NXPE2: variants seen among roughly 807,000 people sequenced by gnomAD.
NXPE2 encodes the protein neurexophilin and PC-esterase domain family member 2, also known as NXPE family member 2.
NXPE2 carries 34 observed loss-of-function variants against 34.4 expected under a neutral mutation model. That is an observed-to-expected ratio of 0.99 (90% CI 0.75 to 1.31). NXPE2 has a LOEUF of 1.31. Ranked by LOEUF, NXPE2 falls within the 40% of genes most tolerant of loss-of-function variation. NXPE2 has a pLI of 0.00. For missense variants in NXPE2, 649 were observed against 672.5 expected (o/e 0.97, Z 0.39); for synonymous variants, 235 against 231.3 (o/e 1.02, Z -0.15).
chr11:114,626,936 G>T, the NXPE2 span, among the ~76,000 whole-genome samples: 1 of 151,926 alleles, frequency 6.6e-6, no homozygotes, highest in Non-Finnish European at 1.5e-5. Context: ...AAGATGAAAT[G>T]AATGAAATGA....
the NXPE2 span, among the ~76,000 whole-genome samples, chr11:114,600,539 A>C: frequency 6.6e-6 from 1 of 152,096 alleles, no homozygotes; most frequent in Non-Finnish European, 1.5e-5. Flanking sequence ...GCATAGAAAA[A>C]AATTGAGTGA....
chr11:114,774,873 G>A, the NXPE2 span, among the ~76,000 whole-genome samples: 2 of 152,210 alleles, frequency 1.3e-5, no homozygotes, highest in Non-Finnish European at 2.9e-5. Context: ...GACCTTGACT[G>A]TGTCTATGAG....
chr11:114,792,012 C>T, the NXPE2 span, among the ~76,000 whole-genome samples: 126,520 of 152,186 alleles, frequency 0.83, 53,022 homozygotes, highest in East Asian at 0.99. Flanking sequence ...GAGCCGAGAT[C>T]GCACCACTGC....
chr11:114,761,481 T>G, the NXPE2 span, among the ~76,000 whole-genome samples: 2 of 151,990 alleles, frequency 1.3e-5, no homozygotes, highest in East Asian at 3.9e-4. Context: ...CTGTGTAAGT[T>G]AGAGGCAGGC....
chr11:114,603,437 TAGGTAAATTCC>T, the NXPE2 span, among the ~76,000 whole-genome samples: 1 of 151,324 alleles, frequency 6.6e-6, no homozygotes, highest in Non-Finnish European at 1.5e-5. Flanking sequence ...CCTCGTCTCC[TAGGTAAATTCC>T]ATTACCTGGT....
the NXPE2 span, among the ~76,000 whole-genome samples, chr11:114,541,393 G>A: frequency 1.3e-5 from 2 of 152,226 alleles, no homozygotes; most frequent in Admixed American, 6.5e-5. Flanking sequence ...ATGTTGTAAT[G>A]AATGGAAAGA....
At chr11:114,649,537 T>A in the NXPE2 span, among the ~76,000 whole-genome samples, 1 of 152,214 alleles carries the variant, frequency 6.6e-6, no homozygotes, top group African/African-American at 2.4e-5. Flanking sequence ...AAGGCAAAGC[T>A]ATAGAGACAG....
At chr11:114,469,173 G>A in the NXPE2 span, among the ~76,000 whole-genome samples, 16,536 of 137,012 alleles carry the variant, frequency 0.12, 1,300 homozygotes, top group East Asian at 0.25. Context: ...GGAGTGCTGT[G>A]GTGCGATGAC....
chr11:114,739,363 CCTCCCTCCCTCA>C, the NXPE2 span, among the ~76,000 whole-genome samples: 10 of 80,620 alleles, frequency 1.2e-4, no homozygotes, highest in East Asian at 9.8e-4. Context: ...TCCCTCCCTC[CCTCCCTCCCTCA>C]CTCACTCCTT....
the NXPE2 span, among the ~76,000 whole-genome samples, chr11:114,618,727 G>C: frequency 6.6e-6 from 1 of 152,186 alleles, no homozygotes; most frequent in African/African-American, 2.4e-5. Flanking sequence ...TTCTTACCCT[G>C]TGGAAAATAA....
chr11:114,534,417 A>C, the NXPE2 span, among the ~76,000 whole-genome samples: 1 of 152,246 alleles, frequency 6.6e-6, no homozygotes, highest in Non-Finnish European at 1.5e-5. Flanking sequence ...CACCAGCAAC[A>C]GAACAAAGCT....
the NXPE2 span, among the ~76,000 whole-genome samples, chr11:114,722,687 G>A: frequency 2.0e-5 from 3 of 152,114 alleles, no homozygotes; most frequent in South Asian, 4.1e-4. Flanking sequence ...CCACTAAAGA[G>A]GCCAGCAGTG....
At chr11:114,527,945 CAT>C in the NXPE2 span, 1 of 1,435,486 alleles carries the variant, frequency 7.0e-7, no homozygotes, top group Non-Finnish European at 9.7e-7. Context: ...GCTCTCTGCC[CAT>C]GTAACACAGG....
At chr11:114,706,070 C>A in intron 5 of NXPE2, 74 bp downstream of exon 5, 1 of 559,972 alleles carries the variant, frequency 1.8e-6, no homozygotes, top group Non-Finnish European at 2.7e-6. Flanking sequence ...GAATTATTTG[C>A]TTTTCTTTTC....
the NXPE2 span, among the ~76,000 whole-genome samples, chr11:114,502,737 A>G: frequency 6.6e-6 from 1 of 152,084 alleles, no homozygotes; most frequent in African/African-American, 2.4e-5. Flanking sequence ...ATTTTTGCTT[A>G]TGGCAGATGG....
chr11:114,724,076 T>G, the NXPE2 span, among the ~76,000 whole-genome samples: 4 of 152,182 alleles, frequency 2.6e-5, no homozygotes, highest in South Asian at 8.3e-4. Flanking sequence ...ATGTCAAACT[T>G]GTTGGACGGA....
the NXPE2 span, among the ~76,000 whole-genome samples, chr11:114,500,288 T>C: frequency 6.6e-6 from 1 of 152,136 alleles, no homozygotes; most frequent in Admixed American, 6.5e-5. Context: ...TGTCAGTCTT[T>C]TAAGTTTTAG....
chr11:114,761,181 G>C, the NXPE2 span, among the ~76,000 whole-genome samples: 1 of 152,276 alleles, frequency 6.6e-6, no homozygotes, highest in Admixed American at 6.5e-5. Context: ...CTCAGCTCCT[G>C]ACACCTACTG....
the NXPE2 span, among the ~76,000 whole-genome samples, chr11:114,653,259 T>C: frequency 3.3e-5 from 5 of 152,204 alleles, no homozygotes; most frequent in Non-Finnish European, 5.9e-5. Context: ...TAAGCAAACA[T>C]TATAAAAATG....
Sources: gnomAD v4.1 joint callset for allele counts (sites outside exome capture counted in the v4.1 genomes callset) on GRCh38, gnomAD v4.1.1 for gene constraint, MANE v1.5 for transcripts, NCBI Gene and HGNC (gene_info 2026-07-23, HGNC 2026-07-21) for gene names.